WWOX: variants seen among roughly 807,000 people sequenced by gnomAD.
The protein encoded by WWOX is WW domain containing oxidoreductase, also known as WW domain-containing oxidoreductase.
In WWOX, 69 loss-of-function variants were observed where a neutral mutation model predicts 46.2. The observed-to-expected ratio is 1.49, with a 90% CI of 1.23 to 1.82. The LOEUF (loss-of-function observed/expected upper bound fraction) is 1.82, where lower values mean the gene tolerates loss of function less well. Among genes scored for constraint, WWOX ranks in the 40% most tolerant of loss-of-function variants. The probability of loss-of-function intolerance (pLI) is 0.00; values close to 1 mark genes in which losing one functional copy is unlikely to be tolerated. For synonymous variants in WWOX, 359 were observed against 202.6 expected, an observed-to-expected ratio of 1.77 and a Z score of -6.56; for missense variants, 919 against 542.6, an observed-to-expected ratio of 1.69 and a Z score of -6.89.
At chr16:78,908,072 A>G (rs945335590) in intron 8 of WWOX, among the ~76,000 whole-genome samples, 1 of 152,186 alleles carries the variant, frequency 6.6e-6, no homozygotes, top group Non-Finnish European at 1.5e-5. Flanking sequence ...TAGTTCCCAA[A>G]TTGCAGGATA....
intron 8 of WWOX, among the ~76,000 whole-genome samples, chr16:78,575,039 ATATATATAT>A (rs2044830146): frequency 3.0e-4 from 1 of 3,366 alleles, no homozygotes; most frequent in Non-Finnish European, 5.3e-4. Context: ...ATATATATAT[ATATATATAT>A]ATATATATAT....
At chr16:78,975,738 A>T (rs917668085) in intron 8 of WWOX, among the ~76,000 whole-genome samples, 1 of 152,164 alleles carries the variant, frequency 6.6e-6, no homozygotes, top group Non-Finnish European at 1.5e-5. Context: ...CACAGAGCCA[A>T]TTGAGGCCTT....
chr16:79,089,378 C>T (rs2048911914), intron 8 of WWOX, among the ~76,000 whole-genome samples: 2 of 148,924 alleles, frequency 1.3e-5, no homozygotes, highest in Non-Finnish European at 3.0e-5. Flanking sequence ...GTCGCCCAGG[C>T]TGGAATGCAG....
chr16:78,991,752 A>C (rs4888905), intron 8 of WWOX, among the ~76,000 whole-genome samples: 13 of 152,078 alleles, frequency 8.5e-5, no homozygotes, highest in Admixed American at 4.6e-4. Context: ...ATGAAACAGG[A>C]AGGTGAGGGG....
chr16:79,059,031 G>C (rs900379095), intron 8 of WWOX, among the ~76,000 whole-genome samples: 1 of 152,138 alleles, frequency 6.6e-6, no homozygotes, highest in Non-Finnish European at 1.5e-5. Context: ...ATAATACTCT[G>C]ATTTCTGGAG....
chr16:79,175,715 C>G (rs1364993083), intron 8 of WWOX, among the ~76,000 whole-genome samples: 1 of 152,150 alleles, frequency 6.6e-6, no homozygotes, highest in Non-Finnish European at 1.5e-5. Context: ...TGTGTCCTGG[C>G]ACCGATGTTT....
intron 6 of WWOX, among the ~76,000 whole-genome samples, chr16:78,400,816 C>A (rs1019584837): frequency 1.3e-5 from 2 of 152,182 alleles, no homozygotes; most frequent in Non-Finnish European, 2.9e-5. Context: ...ATTCATATAT[C>A]AGAATAGCAC....
intron 8 of WWOX, among the ~76,000 whole-genome samples, chr16:78,738,617 AT>A (rs1178557722): frequency 1.3e-5 from 2 of 152,170 alleles, no homozygotes; most frequent in African/African-American, 4.8e-5. Context: ...ACAGCCATTT[AT>A]ATTTTTGTTA....
At chr16:79,103,038 C>T (rs1314221034) in intron 8 of WWOX, among the ~76,000 whole-genome samples, 1 of 152,016 alleles carries the variant, frequency 6.6e-6, no homozygotes, top group Non-Finnish European at 1.5e-5. Flanking sequence ...TCCTTGTTTC[C>T]ATTTGCTTCT....
chr16:78,639,502 G>A (rs1340301284), intron 8 of WWOX, among the ~76,000 whole-genome samples: 1 of 152,074 alleles, frequency 6.6e-6, no homozygotes, highest in South Asian at 2.1e-4. Flanking sequence ...AGTTGCCTCT[G>A]GGAGGACCTG....
At chr16:78,102,895 G>A (rs1388061989) in intron 1 of WWOX, among the ~76,000 whole-genome samples, 1 of 152,162 alleles carries the variant, frequency 6.6e-6, no homozygotes, top group Non-Finnish European at 1.5e-5. Flanking sequence ...TGGGTGGGTG[G>A]TGCACTGGGC....
intron 8 of WWOX, among the ~76,000 whole-genome samples, chr16:78,862,475 C>G (rs570886947): frequency 6.6e-5 from 10 of 151,840 alleles, no homozygotes; most frequent in African/African-American, 2.4e-4. Flanking sequence ...TATAAACACA[C>G]AAGTGCATAC....
Position 78,995,483 on chromosome 16 carries a change from T to C in WWOX, c.1057-216125T>C, listed in dbSNP as rs569984986. On this transcript the variant is annotated intron_variant, in intron 8 of 8. Coordinates refer to ENST00000566780, the MANE Select transcript of WWOX (RefSeq NM_016373.4). Reference sequence around the variant, plus strand: ...ACAGTGCCGATTGGTAAAACCAAGTTCTTTGTAAATTATGGAACCCAAGCT... The same window carrying C: ...ACAGTGCCGATTGGTAAAACCAAGTCCTTTGTAAATTATGGAACCCAAGCT... Among the ~76,000 whole-genome samples the C allele has an allele frequency of 2.0e-5, 3 of 152,244 alleles. No individual in the cohort carries two copies. The South Asian group carries it at 6.2e-4, about 32-fold the overall frequency.
At chr16:78,359,307 G>C (rs191241516) in intron 5 of WWOX, among the ~76,000 whole-genome samples, 3 of 152,260 alleles carry the variant, frequency 2.0e-5, no homozygotes, top group East Asian at 3.9e-4. Context: ...TGAACAAAAA[G>C]TTTTAGCATT....
Position 78,706,380 on chromosome 16 carries a change from T to A in WWOX, c.1056+273628T>A, listed in dbSNP as rs2142310109. ...TCTCTCTGCTGTTAAATTAGATGCC[T>A]TCTCCAGGAATCTCTCTGGGGGCAT... is the stretch of plus-strand genomic sequence containing the variant. On this transcript the variant is annotated intron_variant, in intron 8 of 8. Coordinates refer to ENST00000566780, the MANE Select transcript of WWOX (RefSeq NM_016373.4). Among the ~76,000 whole-genome samples the A allele has an allele frequency of 2.0e-5, 3 of 152,270 alleles. 1 individual carries two copies. The South Asian group carries it at 6.2e-4, about 32-fold the overall frequency.
intron 8 of WWOX, among the ~76,000 whole-genome samples, chr16:78,931,386 C>T (rs190635414): frequency 5.3e-5 from 8 of 152,154 alleles, no homozygotes; most frequent in South Asian, 2.1e-4. Flanking sequence ...ATGAACAGGA[C>T]GGAAGAATGA....
chr16:78,463,572 A>G (rs762792090), intron 8 of WWOX, among the ~76,000 whole-genome samples: 1 of 152,232 alleles, frequency 6.6e-6, no homozygotes, highest in Non-Finnish European at 1.5e-5. Context: ...TGCATAGTAG[A>G]GAAAAATGAG....
At chr16:78,154,412 C>T (rs1190318943) in intron 4 of WWOX, among the ~76,000 whole-genome samples, 1 of 150,582 alleles carries the variant, frequency 6.6e-6, no homozygotes, top group Middle Eastern at 3.2e-3. Context: ...ACAGTTTTCG[C>T]TTGCTTCATG....
chr16:78,636,194 C>G (rs907612661), intron 8 of WWOX, among the ~76,000 whole-genome samples: 6 of 152,068 alleles, frequency 3.9e-5, no homozygotes, highest in Non-Finnish European at 7.4e-5. Flanking sequence ...TTGATAAGGA[C>G]TAGACATATT....
Sources: allele counts gnomAD v4.1 joint callset (sites outside exome capture counted in the v4.1 genomes callset), GRCh38; gene constraint gnomAD v4.1.1; transcripts MANE v1.5; gene names NCBI Gene and HGNC (gene_info 2026-07-23, HGNC 2026-07-21).